Variants in OCLN observed in about 807,000 individuals in gnomAD.
OCLN encodes phosphatase 1, regulatory subunit 115.
A neutral mutation model predicts 47.9 loss-of-function variants in OCLN; 21 were observed. The observed-to-expected ratio is 0.44, with a 90% CI of 0.31 to 0.63. The LOEUF is 0.63. Among genes scored for constraint, OCLN ranks in the 30% least tolerant of loss-of-function variants. The pLI is 0.08. For synonymous variants in OCLN, 117 were observed against 198.4 expected (o/e 0.59, Z 3.45); for missense variants, 360 against 571.0 (o/e 0.63, Z 3.77).
At chr5:69,527,239 T>C (rs536062452) in intron 4 of OCLN, among the ~76,000 whole-genome samples, 2 of 151,064 alleles carry the variant, frequency 1.3e-5, no homozygotes, top group East Asian at 2.0e-4. Flanking sequence ...ACAGTGCCAC[T>C]GCACTCCAGC....
At chr5:69,537,189 CTT>C (rs1157355945) in intron 5 of OCLN, among the ~76,000 whole-genome samples, 1 of 80,560 alleles carries the variant, frequency 1.2e-5, no homozygotes, top group Non-Finnish European at 2.4e-5. Flanking sequence ...ATTCTATAAG[CTT>C]TTTTTTTTTT....
At chr5:69,531,287 G>T (rs766470661) in intron 4 of OCLN, among the ~76,000 whole-genome samples, 1 of 152,190 alleles carries the variant, frequency 6.6e-6, no homozygotes, top group Non-Finnish European at 1.5e-5. Context: ...GCCTCATCCA[G>T]GAGGGGCTTG....
At chr5:69,515,538 A>AC (rs1206132794) in intron 4 of OCLN, among the ~76,000 whole-genome samples, 135 of 1,996 alleles carry the variant, frequency 0.068, no homozygotes, top group Admixed American at 0.21. Context: ...CGGGGGGCTG[A>AC]CCCCCCCCCA....
Position 69,554,964 on chromosome 5 carries a change from G to C in OCLN, c.*1293G>C, listed in dbSNP as rs1394753944. 3 of 146,470 alleles carry C rather than the reference G, an allele frequency of 2.0e-5. No individual in the cohort carries two copies. The highest frequency in any genetic ancestry group is 4.5e-5 in the Non-Finnish European group (3 of 66,166). 9.1% of individuals were successfully genotyped at this position (146,470 alleles called of 1,614,324 possible). ...AATTTTTTTTTTTTTTTGAGACAGAGTCTCACTCTCACCCAGGCTGGAATG... is the reference window on the plus strand; with the variant it reads ...AATTTTTTTTTTTTTTTGAGACAGACTCTCACTCTCACCCAGGCTGGAATG... On this transcript the variant is annotated 3_prime_UTR_variant, in exon 9 of 9. Coordinates refer to ENST00000396442, the MANE Select transcript of OCLN (RefSeq NM_001205254.2).
intron 7 of OCLN, among the ~76,000 whole-genome samples, chr5:69,549,087 T>G (rs1769785595): frequency 6.7e-6 from 1 of 149,784 alleles, no homozygotes; most frequent in Non-Finnish European, 1.5e-5. Context: ...TCCCAGCACT[T>G]TGGGAGGCCG....
Position 69,509,743 on chromosome 5 carries a change from A to C in OCLN, c.653A>C (p.Gln218Pro), listed in dbSNP as rs1383472142. Reference sequence around the variant, plus strand: ...TCACAAATATATGCCCTCTGCAACCAATTTTATACACCTGCAGCTACTGGA... The same window carrying C: ...TCACAAATATATGCCCTCTGCAACCCATTTTATACACCTGCAGCTACTGGA... ...YGSQIYALCN[Q>P]FYTPAATGLY... The change falls in exon 3 of 9, where the codon CAA becomes CCA. Residue 218 changes from glutamine (Q) to proline (P), a missense_variant. Around this residue, in one of 3 missense-constraint regions of OCLN, gnomAD observed 314 missense variants for 368.1 expected, o/e 0.85. Transcript: ENST00000396442. 6.2e-7 allele frequency: 1 copy of C among 1,614,036 alleles called. No homozygotes were observed. Among genetic ancestry groups the C allele is most frequent in the Non-Finnish European group, 8.5e-7 (1 of 1,179,970 alleles).
intron 4 of OCLN, among the ~76,000 whole-genome samples, chr5:69,529,039 A>T (rs1340118974): frequency 1.3e-5 from 2 of 152,198 alleles, no homozygotes; most frequent in Non-Finnish European, 1.5e-5. Flanking sequence ...GTTTTCCCCG[A>T]TCTTTGTTTT....
rs769965483 is a variant in OCLN at position 69,509,274 on chromosome 5, C to G, written c.184C>G (p.Pro62Ala). ...ILHFYKWTSP[P>A]GVIRILSMLI... ...TCACTTCTACAAATGGACCTCTCCTCCAGGAGTGATTCGGATCCTGTCTAT... is the reference window on the plus strand; with the variant it reads ...TCACTTCTACAAATGGACCTCTCCTGCAGGAGTGATTCGGATCCTGTCTAT... Residue 62 changes from proline (P) to alanine (A), a missense_variant, in exon 3 of 9, where the codon CCA becomes GCA. Coordinates refer to ENST00000396442, the MANE Select transcript of OCLN (RefSeq NM_001205254.2). 1.2e-6 allele frequency: 2 copies of G among 1,614,202 alleles called. No individual in the cohort carries two copies. The highest frequency in any genetic ancestry group is 2.2e-5 in the South Asian group (2 of 91,082).
At chr5:69,513,280 T>C (rs1334388230) in intron 3 of OCLN, among the ~76,000 whole-genome samples, 3 of 152,114 alleles carry the variant, frequency 2.0e-5, no homozygotes, top group Non-Finnish European at 2.9e-5. Flanking sequence ...GGGAGAACTG[T>C]TAAGAGTAGG....
rs139928771 is a variant in OCLN at position 69,509,559 on chromosome 5, G to A, written c.469G>A (p.Val157Ile). 4.6e-5 allele frequency: 74 copies of A among 1,614,152 alleles called. No individual in the cohort carries two copies. Among genetic ancestry groups the A allele is most frequent in the Middle Eastern group, 1.6e-4 (1 of 6,062 alleles). Reference protein sequence around the residue: ...FCFIAALVIFVTSVIRSEMSR... With the variant: ...FCFIAALVIFITSVIRSEMSR... ...TTTCATTGCCGCGTTGGTGATCTTTGTTACCAGTGTTATAAGATCTGAAAT... is the reference window on the plus strand; with the variant it reads ...TTTCATTGCCGCGTTGGTGATCTTTATTACCAGTGTTATAAGATCTGAAAT... Residue 157 changes from valine to isoleucine, a missense_variant, in exon 3 of 9, where the codon GTT becomes ATT. Transcript: ENST00000396442.
chr5:69,516,483 C>G (rs866615762), intron 4 of OCLN, among the ~76,000 whole-genome samples: 62 of 151,514 alleles, frequency 4.1e-4, no homozygotes, highest in African/African-American at 1.4e-3. Flanking sequence ...AGTGGGAGAC[C>G]GTGGAAAGAG....
At chr5:69,509,030 A>T in intron 2 of OCLN, 111 bp from the exon 3 acceptor site, 1 of 948,738 alleles carries the variant, frequency 1.1e-6, no homozygotes, top group East Asian at 2.4e-5. Context: ...CTGTGCACAG[A>T]TAAGCTTTAG....
intron 2 of OCLN, among the ~76,000 whole-genome samples, chr5:69,508,481 C>T (rs964221133): frequency 6.6e-6 from 1 of 152,146 alleles, no homozygotes; most frequent in Non-Finnish European, 1.5e-5. Flanking sequence ...GCTGGGATTA[C>T]AGGCGCATGC....
intron 4 of OCLN, among the ~76,000 whole-genome samples, chr5:69,533,201 A>G (rs1488938781): frequency 2.0e-5 from 3 of 151,682 alleles, no homozygotes; most frequent in African/African-American, 7.3e-5. Context: ...TTTTATCCCA[A>G]AGGTTCTGTG....
chr5:69,495,088 C>T (rs988709594), intron 1 of OCLN, among the ~76,000 whole-genome samples: 1 of 152,114 alleles, frequency 6.6e-6, no homozygotes, highest in Non-Finnish European at 1.5e-5. Flanking sequence ...TACTTTTAAC[C>T]ACATAAATGA....
At position 69,509,516 on chromosome 5, in the gene OCLN, G is replaced by C. The variant is rs1580554283; in HGVS notation, c.426G>C (p.Leu142Phe). The change falls in exon 3 of 9, where the codon TTG becomes TTC. Residue 142 changes from leucine to phenylalanine, a missense_variant. Physicochemically the swap from Leu to Phe is conservative, Grantham distance 22. Coordinates refer to ENST00000396442, the MANE Select transcript of OCLN (RefSeq NM_001205254.2). ...CAAGAGCAGCAAAGGGCTTCATGTT[G>C]GCCATGGCTGCCTTTTGTTTCATTG... is the stretch of plus-strand genomic sequence containing the variant. The part of the protein sequence containing the change: ...TDPRAAKGFM[L>F]AMAAFCFIAA... 3 of 1,614,130 alleles carry C rather than the reference G, an allele frequency of 1.9e-6. No individual in the cohort carries two copies. Among genetic ancestry groups the C allele is most frequent in the Non-Finnish European group, 2.5e-6 (3 of 1,180,026 alleles).
chr5:69,514,910 T>C (rs1422536416), intron 4 of OCLN, among the ~76,000 whole-genome samples: 1 of 152,202 alleles, frequency 6.6e-6, no homozygotes, highest in Admixed American at 6.5e-5. Flanking sequence ...ATGAAAAGTC[T>C]CCCGTGTCTA....
rs1223139263 is a variant in OCLN at position 69,537,153 on chromosome 5, T to C, written c.1037+2314T>C. ...ATCCCATACCTACATTGTATAGATA[T>C]ATAGATATAGAGAAGTATTTTCCTT... On this transcript the variant is annotated intron_variant, in intron 5 of 8. Coordinates refer to ENST00000396442, the MANE Select transcript of OCLN (RefSeq NM_001205254.2). Among the ~76,000 whole-genome samples the C allele has an allele frequency of 5.3e-5, 8 of 150,470 alleles. No homozygotes were observed. The East Asian group carries it at 1.6e-3, about 29-fold the overall frequency.
chr5:69,503,528 G>A lies in OCLN; in HGVS notation c.-68-649G>A, dbSNP rs1353120506. ...AGGACCCCAGCGCTGGCTGTCATAC[G>A]TCACTCCCACAGGCTCTCCTGGTCT... On this transcript the variant is annotated intron_variant, in intron 1 of 8. Coordinates refer to ENST00000396442, the MANE Select transcript of OCLN (RefSeq NM_001205254.2). Among the ~76,000 whole-genome samples, 10 of 152,138 alleles carry A rather than the reference G, an allele frequency of 6.6e-5. No homozygotes were observed. In the East Asian group the frequency reaches 1.9e-3, roughly 29 times the overall value.
Sources: gnomAD v4.1 joint callset for allele counts (sites outside exome capture counted in the v4.1 genomes callset) on GRCh38, gnomAD v4.1.1 for gene constraint, gnomAD v4.1.1 regional missense constraint, MANE v1.5 for transcripts, NCBI Gene and HGNC (gene_info 2026-07-23, HGNC 2026-07-21) for gene names.